CCDC63: variants seen among roughly 807,000 people sequenced by gnomAD.
CCDC63 encodes the protein coiled-coil domain-containing protein 63.
A neutral mutation model predicts 63.6 loss-of-function variants in CCDC63; 54 were observed. The observed-to-expected ratio is 0.85, with a 90% CI of 0.68 to 1.07. The LOEUF (loss-of-function observed/expected upper bound fraction) is 1.07, where lower values mean the gene tolerates loss of function less well. Among genes scored for constraint, CCDC63 ranks in the 50% least tolerant of loss-of-function variants. The pLI is 0.00. For synonymous variants in CCDC63, 253 were observed against 266.1 expected, an observed-to-expected ratio of 0.95 and a Z score of 0.48; for missense variants, 637 against 689.6, an observed-to-expected ratio of 0.92 and a Z score of 0.86.
intron 4 of CCDC63, among the ~76,000 whole-genome samples, chr12:110,867,448 G>T (rs1380047229): frequency 9.1e-6 from 1 of 110,202 alleles, no homozygotes; most frequent in African/African-American, 3.7e-5. Flanking sequence ...CGGGCTGAGG[G>T]GCTCCTCACT....
intron 6 of CCDC63, 57 bp from the exon 7 acceptor site, chr12:110,881,058 A>C: frequency 6.8e-7 from 1 of 1,481,288 alleles, no homozygotes; most frequent in South Asian, 1.4e-5. Context: ...CTGGCAGGGA[A>C]AGGGAAGTAG....
At chr12:110,860,565 C>A (rs529331387) in intron 4 of CCDC63, among the ~76,000 whole-genome samples, 4 of 152,238 alleles carry the variant, frequency 2.6e-5, no homozygotes, top group African/African-American at 9.6e-5. Flanking sequence ...ACGGCTGAAA[C>A]AGGTAGTTTA....
At chr12:110,883,441 A>G (rs1336548149) in intron 7 of CCDC63, among the ~76,000 whole-genome samples, 4 of 152,186 alleles carry the variant, frequency 2.6e-5, no homozygotes, top group African/African-American at 4.8e-5. Context: ...GTGAGCTACC[A>G]TGCCCGGCCA....
intron 10 of CCDC63, among the ~76,000 whole-genome samples, chr12:110,901,367 G>A (rs758147861): frequency 6.6e-6 from 1 of 152,024 alleles, no homozygotes; most frequent in Non-Finnish European, 1.5e-5. Context: ...TCAAATACTA[G>A]TTCTTATTAT....
At chr12:110,884,976 T>C (rs560779511) in intron 8 of CCDC63, among the ~76,000 whole-genome samples, 2 of 151,394 alleles carry the variant, frequency 1.3e-5, no homozygotes, top group South Asian at 2.1e-4. Flanking sequence ...TGGGATTATA[T>C]AGATGTGAGC....
At chr12:110,901,065 C>T (rs1437466796) in intron 10 of CCDC63, among the ~76,000 whole-genome samples, 1 of 152,116 alleles carries the variant, frequency 6.6e-6, no homozygotes, top group African/African-American at 2.4e-5. Flanking sequence ...ATTGGCAAAG[C>T]AATGTGTTAG....
intron 4 of CCDC63, among the ~76,000 whole-genome samples, chr12:110,860,637 T>G (rs1286512443): frequency 1.3e-5 from 2 of 152,222 alleles, no homozygotes; most frequent in Non-Finnish European, 1.5e-5. Context: ...TCGCCCAGGC[T>G]GGAGTGTAGC....
chr12:110,907,455 C>G lies in CCDC63; in HGVS notation c.1671C>G (p.Ser557=). 6.2e-7 allele frequency: 1 copy of G among 1,614,162 alleles called. No homozygotes were observed. The highest frequency in any genetic ancestry group is 8.5e-7 in the Non-Finnish European group (1 of 1,180,004). Residue 557 remains serine (S), a synonymous_variant, in exon 12 of 12, where the codon TCC becomes TCG. Transcript: ENST00000308208. This position sits in a 1 kb window ranked among gnomAD's most constrained non-coding sequence, Gnocchi z 4.4. The part of the protein sequence containing the change: ...SLPEKVDDFR[S]RKKVTM ...CTGAGAAGGTGGATGACTTCAGATC[C>G]AGGAAGAAAGTAACCATGTGAGGTG...
chr12:110,859,875 C>T (rs777524568), intron 4 of CCDC63, among the ~76,000 whole-genome samples: 6 of 151,998 alleles, frequency 3.9e-5, no homozygotes, highest in Non-Finnish European at 8.8e-5. Context: ...CCTTGGCCCA[C>T]CTCAGGGCCT....
chr12:110,904,435 G>T (rs950133928), intron 10 of CCDC63, among the ~76,000 whole-genome samples, 153 bp from the exon 11 acceptor site: 1 of 151,918 alleles, frequency 6.6e-6, no homozygotes, highest in African/African-American at 2.4e-5. Context: ...GCATAGTGAC[G>T]CCCAGGAGAA....
rs960568925 is a variant in CCDC63 at position 110,847,052 on chromosome 12, C to T, written c.-150C>T. ...CCGTCGGAAGCGCAGTTGCAGCAGC[C>T]GTCGGACAAGCGGCCGGAGCAGCCA... On this transcript the variant is annotated 5_prime_UTR_variant, in exon 1 of 12. Coordinates refer to ENST00000308208, the MANE Select transcript of CCDC63 (RefSeq NM_152591.3). 2 of 152,128 alleles carry T rather than the reference C, an allele frequency of 1.3e-5. No individual in the cohort carries two copies. Among genetic ancestry groups the T allele is most frequent in the Non-Finnish European group, 2.9e-5 (2 of 68,016 alleles). The allele number at this position is 152,128 out of a possible 1,614,324, so 9.4% of individuals were successfully genotyped here. A position where few individuals can be genotyped will look rare whatever the true frequency, so the allele number is the denominator to read the frequency against.
At chr12:110,906,683 G>C (rs1700000886) in intron 11 of CCDC63, among the ~76,000 whole-genome samples, 1 of 152,006 alleles carries the variant, frequency 6.6e-6, no homozygotes, top group East Asian at 1.9e-4. Flanking sequence ...CGCACACACA[G>C]AGATCCTGTG....
At chr12:110,902,089 C>G (rs2071495563) in intron 10 of CCDC63, among the ~76,000 whole-genome samples, 1 of 152,154 alleles carries the variant, frequency 6.6e-6, no homozygotes, top group Admixed American at 6.5e-5. Flanking sequence ...CCTTGGCTTC[C>G]CAAAGTGCTG....
chr12:110,888,160 G>GC (rs1788076735), intron 8 of CCDC63, among the ~76,000 whole-genome samples: 1 of 152,106 alleles, frequency 6.6e-6, no homozygotes, highest in South Asian at 2.1e-4. Flanking sequence ...CCTTTGAGTT[G>GC]CTAACTGAGG....
At position 110,858,788 on chromosome 12, in the gene CCDC63, TCTTA is replaced by T. The variant is rs1193884983; in HGVS notation, c.369+14_369+17del. 6.2e-7 allele frequency: 1 copy of T among 1,609,346 alleles called. No homozygotes were observed. The highest frequency in any genetic ancestry group is 1.3e-5 in the African/African-American group (1 of 74,838). ...ACTGGATGAGAAGGTGTGGTCTTTC[TCTTA>T]AAGGGTTAACCAGAACACAGAGCAA... On this transcript the variant is annotated intron_variant, in intron 4 of 11. Coordinates refer to ENST00000308208, the MANE Select transcript of CCDC63 (RefSeq NM_152591.3).
At chr12:110,864,901 T>G (rs2070921369) in intron 4 of CCDC63, among the ~76,000 whole-genome samples, 1 of 152,134 alleles carries the variant, frequency 6.6e-6, no homozygotes, top group South Asian at 2.1e-4. Flanking sequence ...TCAATTTTGC[T>G]GTCAGCTATG....
intron 10 of CCDC63, among the ~76,000 whole-genome samples, chr12:110,902,364 G>A (rs1389893371): frequency 6.6e-6 from 1 of 152,066 alleles, no homozygotes; most frequent in East Asian, 1.9e-4. Flanking sequence ...CTCTGTCCCT[G>A]GCTCACCTGT....
At chr12:110,878,088 C>A (rs991222827) in intron 5 of CCDC63, among the ~76,000 whole-genome samples, 1 of 152,088 alleles carries the variant, frequency 6.6e-6, no homozygotes, top group Non-Finnish European at 1.5e-5. Flanking sequence ...TTTCACTTAG[C>A]GTAATGTCCT....
intron 11 of CCDC63, among the ~76,000 whole-genome samples, chr12:110,906,326 AG>A (rs1566145042): frequency 4.9e-5 from 7 of 142,316 alleles, no homozygotes; most frequent in African/African-American, 1.8e-4. Flanking sequence ...GAAGAGGAGG[AG>A]GAGGAGGAGG....
Sources: allele counts gnomAD v4.1 joint callset (sites outside exome capture counted in the v4.1 genomes callset), GRCh38; gene constraint gnomAD v4.1.1; non-coding constraint Gnocchi (gnomAD v3.1); transcripts MANE v1.5; gene names NCBI Gene and HGNC (gene_info 2026-07-23, HGNC 2026-07-21).